Variants in ATP2B4 observed in about 807,000 individuals in gnomAD.
ATP2B4 encodes the protein plasma membrane calcium-transporting ATPase 4.
In ATP2B4, 39 loss-of-function variants were observed where a neutral mutation model predicts 110.3. The ratio of observed to expected loss-of-function variants is 0.35; its 90% CI spans 0.27 to 0.46. ATP2B4 has a LOEUF of 0.46. Among genes scored for constraint, ATP2B4 ranks in the 20% least tolerant of loss-of-function variants. The pLI, the probability that ATP2B4 is intolerant of heterozygous loss-of-function variation, is 1.00. For synonymous variants in ATP2B4, 538 were observed against 571.7 expected (o/e 0.94, Z 0.84); for missense variants, 1,135 against 1,530.9 (o/e 0.74, Z 4.32).
intron 11 of ATP2B4, 61 bp downstream of exon 11, chr1:203,709,603 C>T: frequency 6.2e-7 from 1 of 1,603,900 alleles, no homozygotes; most frequent in Non-Finnish European, 8.5e-7. Context: ...GGCATGGGTG[C>T]ACACCCCACA....
Position 203,742,572 on chromosome 1 carries a change from G to A in ATP2B4, c.*2718G>A, listed in dbSNP as rs564151470. On this transcript the variant is annotated 3_prime_UTR_variant, in exon 21 of 21. Transcript: ENST00000357681. Reference sequence around the variant, plus strand: ...CCTCTCTTAATAAACCTAGAAAAACGGGTAGTAAACTGTGGATAGTCAGGA... The same window carrying A: ...CCTCTCTTAATAAACCTAGAAAAACAGGTAGTAAACTGTGGATAGTCAGGA... 7.2e-5 allele frequency: 11 copies of A among 152,530 alleles called. No homozygotes were observed. Among genetic ancestry groups the A allele is most frequent in the African/African-American group, 2.7e-4 (11 of 41,408 alleles). The allele number at this position is 152,530 out of a possible 1,614,324, so 9.4% of individuals were successfully genotyped here.
Position 203,740,203 on chromosome 1 carries a change from T to C in ATP2B4, c.*349T>C. 4.2e-6 allele frequency: 1 copy of C among 239,986 alleles called. No individual in the cohort carries two copies. Among genetic ancestry groups the C allele is most frequent in the East Asian group, 9.0e-5 (1 of 11,114 alleles). The allele number at this position is 239,986 out of a possible 1,614,324, so 14.9% of individuals were successfully genotyped here. Reference sequence around the variant, plus strand: ...TGTTCCTCTCCTGAATTCTGGATTTTGTCCTACAAGTCTGTGCCATTTATA... The same window carrying C: ...TGTTCCTCTCCTGAATTCTGGATTTCGTCCTACAAGTCTGTGCCATTTATA... On this transcript the variant is annotated 3_prime_UTR_variant, in exon 21 of 21. Coordinates refer to ENST00000357681, the MANE Select transcript of ATP2B4 (RefSeq NM_001684.5).
Position 203,739,881 on chromosome 1 carries a change from A to G in ATP2B4, c.*27A>G. The stretch of plus-strand genomic sequence containing the variant: ...TTTTCTTTCTCTGACTCTCATCCCT[A>G]TTTTACCTATTTCCATTTTCGTCTA... On this transcript the variant is annotated 3_prime_UTR_variant, in exon 21 of 21. Coordinates refer to ENST00000357681, the MANE Select transcript of ATP2B4 (RefSeq NM_001684.5). 6.3e-7 allele frequency: 1 copy of G among 1,586,274 alleles called. No homozygotes were observed.
chr1:203,639,406 T>A (rs1663559036), intron 1 of ATP2B4, among the ~76,000 whole-genome samples: 2 of 152,188 alleles, frequency 1.3e-5, no homozygotes. Context: ...TCAGCATCAC[T>A]GATGTTAAGC....
intron 2 of ATP2B4, among the ~76,000 whole-genome samples, chr1:203,689,982 T>C (rs2102371914): frequency 6.6e-6 from 1 of 152,332 alleles, no homozygotes; most frequent in South Asian, 2.1e-4. Context: ...TGAATATTCC[T>C]GGCATAAGAT....
chr1:203,636,835 C>T (rs1663453536), intron 1 of ATP2B4, among the ~76,000 whole-genome samples: 1 of 152,172 alleles, frequency 6.6e-6, no homozygotes, highest in African/African-American at 2.4e-5. Context: ...TAGAGTCTAG[C>T]ACAATGTAAC....
intron 2 of ATP2B4, among the ~76,000 whole-genome samples, chr1:203,695,845 A>T (rs1013918380): frequency 6.6e-6 from 1 of 151,752 alleles, no homozygotes; most frequent in Non-Finnish European, 1.5e-5. Context: ...TTGGGTACCT[A>T]TTTTCCCATT....
chr1:203,655,352 TAAA>T (rs55718039), intron 1 of ATP2B4, among the ~76,000 whole-genome samples: 3 of 151,890 alleles, frequency 2.0e-5, no homozygotes, highest in Non-Finnish European at 4.4e-5. Flanking sequence ...CATGGGGATG[TAAA>T]AAAAAAGAGG....
intron 1 of ATP2B4, among the ~76,000 whole-genome samples, chr1:203,651,405 A>G (rs1334651712): frequency 6.6e-6 from 1 of 152,078 alleles, no homozygotes; most frequent in Non-Finnish European, 1.5e-5. Context: ...TAATGAACAC[A>G]CTTGAACCCA....
intron 2 of ATP2B4, among the ~76,000 whole-genome samples, chr1:203,694,615 G>C (rs1389434230): frequency 1.3e-5 from 2 of 152,156 alleles, no homozygotes; most frequent in African/African-American, 4.8e-5. Flanking sequence ...GGACTGGGGG[G>C]CTGGGGGAGT....
At chr1:203,638,135 T>G (rs1663514600) in intron 1 of ATP2B4, among the ~76,000 whole-genome samples, 1 of 149,758 alleles carries the variant, frequency 6.7e-6, no homozygotes, top group African/African-American at 2.5e-5. Flanking sequence ...GGAGGGGAGA[T>G]GGGGAGGAAG....
At chr1:203,714,090 A>G in intron 14 of ATP2B4, 81 bp from the exon 15 acceptor site, 1 of 1,309,324 alleles carries the variant, frequency 7.6e-7, no homozygotes, top group South Asian at 1.2e-5. Context: ...GAAAGAAGAA[A>G]GTAGAAGGAG....
chr1:203,652,549 A>G (rs1322952786), intron 1 of ATP2B4, among the ~76,000 whole-genome samples: 1 of 152,222 alleles, frequency 6.6e-6, no homozygotes, highest in Non-Finnish European at 1.5e-5. Flanking sequence ...ATTATTAAAT[A>G]AATTGAAGGT....
chr1:203,714,110 GTA>G, intron 14 of ATP2B4, 59 bp from the exon 15 acceptor site: 1 of 1,447,866 alleles, frequency 6.9e-7, no homozygotes, highest in Non-Finnish European at 9.6e-7. Context: ...GTGGCGGGTG[GTA>G]GGAACTGAAG....
chr1:203,720,880 T>C, intron 16 of ATP2B4, 140 bp downstream of exon 16: 3 of 1,059,350 alleles, frequency 2.8e-6, no homozygotes, highest in Non-Finnish European at 4.0e-6. Context: ...CTCTTCTAAG[T>C]CTGCTGTCTT....
In ATP2B4 at chr1:203,721,369, C is replaced by T. The variant is rs1372440778; in HGVS notation, c.2771C>T (p.Ala924Val). The T allele has an allele frequency of 6.2e-7, 1 of 1,614,170 alleles. No homozygotes were observed. Among genetic ancestry groups the T allele is most frequent in the South Asian group, 1.1e-5 (1 of 91,084 alleles). The change falls in exon 17 of 21, where the codon GCA (alanine) becomes GTA (valine). Residue 924 changes from alanine to valine, a missense_variant. By Grantham distance (64) the Ala-to-Val change is moderately conservative. This residue lies in a region of ATP2B4 where 155 missense variants were observed against 186.2 expected (regional missense o/e 0.83). Coordinates refer to ENST00000357681, the MANE Select transcript of ATP2B4 (RefSeq NM_001684.5). ...ATGATGAAGAACATCTTGGGCCATGCATTCTATCAGCTCATTGTCATCTTT... is the reference window on the plus strand; with the variant it reads ...ATGATGAAGAACATCTTGGGCCATGTATTCTATCAGCTCATTGTCATCTTT... The part of the protein sequence containing the change: ...RTMMKNILGH[A>V]FYQLIVIFIL...
chr1:203,646,796 G>A (rs1389884056), intron 1 of ATP2B4, among the ~76,000 whole-genome samples: 1 of 151,998 alleles, frequency 6.6e-6, no homozygotes, highest in Non-Finnish European at 1.5e-5. Context: ...AAGATTCTGA[G>A]CTATGTACTG....
rs559608027 is a variant in ATP2B4, at chr1:203,671,477, A to G, written c.-464-11265A>G. 2.6e-5 allele frequency among the ~76,000 whole-genome samples: 4 copies of G among 152,196 alleles called. No individual in the cohort carries two copies. In the South Asian group the frequency reaches 8.3e-4, roughly 32 times the overall value. Reference sequence around the variant, plus strand: ...CACCTGCCTCTCCTGCCCATCTTGAACCACCTATGGCCCTTATTTCTCTTC... The same window carrying G: ...CACCTGCCTCTCCTGCCCATCTTGAGCCACCTATGGCCCTTATTTCTCTTC... On this transcript the variant is annotated intron_variant, in intron 1 of 20. Coordinates refer to ENST00000357681, the MANE Select transcript of ATP2B4 (RefSeq NM_001684.5).
chr1:203,651,437 A>G (rs907992500), intron 1 of ATP2B4, among the ~76,000 whole-genome samples: 2 of 152,168 alleles, frequency 1.3e-5, no homozygotes, highest in South Asian at 2.1e-4. Flanking sequence ...TGAGATCACT[A>G]TCATTTATTT....
Sources: gnomAD v4.1 joint callset for allele counts (sites outside exome capture counted in the v4.1 genomes callset) on GRCh38, gnomAD v4.1.1 for gene constraint, gnomAD v4.1.1 regional missense constraint, MANE v1.5 for transcripts, NCBI Gene and HGNC (gene_info 2026-07-23, HGNC 2026-07-21) for gene names.